Variants in TSHZ2 observed in about 807,000 individuals in gnomAD.
TSHZ2 encodes teashirt homolog 2.
TSHZ2 carries 21 observed loss-of-function variants against 74.4 expected under a neutral mutation model. That is an observed-to-expected ratio of 0.28 (90% CI 0.20 to 0.41). The LOEUF (loss-of-function observed/expected upper bound fraction) is 0.41. TSHZ2 is among the 10% of genes least tolerant of loss of function. TSHZ2 has a pLI of 1.00. For missense variants in TSHZ2, 1,244 were observed against 1,293.5 expected, an observed-to-expected ratio of 0.96 and a Z score of 0.59; for synonymous variants, 540 against 515.3, an observed-to-expected ratio of 1.05 and a Z score of -0.65.
chr20:53,333,599 G>C (rs907407924), intron 2 of TSHZ2, among the ~76,000 whole-genome samples: 1 of 152,112 alleles, frequency 6.6e-6, no homozygotes, highest in South Asian at 2.1e-4. Flanking sequence ...GGGACTATAG[G>C]CACCCACCAC....
chr20:53,374,359 T>C (rs999498821), intron 2 of TSHZ2, among the ~76,000 whole-genome samples: 4 of 152,236 alleles, frequency 2.6e-5, no homozygotes, highest in African/African-American at 9.6e-5. Flanking sequence ...TCATGGTATA[T>C]ATATGCCACA....
At chr20:53,405,996 C>CA (rs1388634352) in intron 2 of TSHZ2, among the ~76,000 whole-genome samples, 4 of 151,450 alleles carry the variant, frequency 2.6e-5, no homozygotes, top group Non-Finnish European at 2.9e-5. Flanking sequence ...GACCCTGTCT[C>CA]AAAAAAATAA....
intron 1 of TSHZ2, among the ~76,000 whole-genome samples, chr20:52,975,010 C>T (rs1600624361): frequency 6.6e-6 from 1 of 152,106 alleles, no homozygotes. Context: ...TCTTTCCTAC[C>T]GTTGTCTCTT....
chr20:53,369,482 G>A (rs138123567), intron 2 of TSHZ2, among the ~76,000 whole-genome samples: 277 of 151,794 alleles, frequency 1.8e-3, no homozygotes, highest in African/African-American at 6.4e-3. Context: ...CAAAGCAGGC[G>A]GATCACCTGA....
At chr20:53,115,237 G>A (rs1361205631) in intron 1 of TSHZ2, among the ~76,000 whole-genome samples, 3 of 152,208 alleles carry the variant, frequency 2.0e-5, no homozygotes, top group African/African-American at 7.2e-5. Flanking sequence ...CTATTTGGTA[G>A]CAATATGGTT....
At chr20:53,482,108 T>TTAA (rs1447358622) in intron 2 of TSHZ2, among the ~76,000 whole-genome samples, 3 of 74,344 alleles carry the variant, frequency 4.0e-5, no homozygotes, top group South Asian at 5.3e-4. Flanking sequence ...CTCCATCTCA[T>TTAA]AAAAAAAAAA....
intron 2 of TSHZ2, among the ~76,000 whole-genome samples, chr20:53,287,743 T>A (rs1033996919): frequency 1.8e-4 from 28 of 152,198 alleles, no homozygotes; most frequent in African/African-American, 6.8e-4. Flanking sequence ...AATATCACCT[T>A]GAAAACAAAC....
chr20:53,224,228 G>T (rs1989631051), intron 1 of TSHZ2, among the ~76,000 whole-genome samples: 1 of 152,054 alleles, frequency 6.6e-6, no homozygotes, highest in South Asian at 2.1e-4. Flanking sequence ...TATTATTCAA[G>T]GAAAAACATT....
chr20:53,353,181 G>A (rs182071109), intron 2 of TSHZ2, among the ~76,000 whole-genome samples: 4 of 152,294 alleles, frequency 2.6e-5, no homozygotes, highest in Admixed American at 2.6e-4. Flanking sequence ...GGGGTTTAAG[G>A]TTGGTAAATC....
At chr20:53,221,524 G>A (rs1989556741) in intron 1 of TSHZ2, among the ~76,000 whole-genome samples, 1 of 152,172 alleles carries the variant, frequency 6.6e-6, no homozygotes, top group African/African-American at 2.4e-5. Flanking sequence ...GAGGTTTTGT[G>A]ACGGAGTGGT....
intron 1 of TSHZ2, among the ~76,000 whole-genome samples, chr20:53,223,774 G>C (rs951834369): frequency 7.9e-5 from 12 of 152,072 alleles, no homozygotes; most frequent in Non-Finnish European, 1.5e-4. Flanking sequence ...GGAAAGAAAG[G>C]GGGAGGTAGC....
At chr20:53,348,671 AGT>A (rs982510221) in intron 2 of TSHZ2, among the ~76,000 whole-genome samples, 1 of 152,242 alleles carries the variant, frequency 6.6e-6, no homozygotes, top group African/African-American at 2.4e-5. Flanking sequence ...TGGTAATGAA[AGT>A]GTCATGACAG....
intron 1 of TSHZ2, among the ~76,000 whole-genome samples, chr20:53,173,552 G>C (rs1000207087): frequency 6.6e-5 from 10 of 152,202 alleles, no homozygotes; most frequent in African/African-American, 2.4e-4. Context: ...AGGTTGCAGT[G>C]AGCCGACGTA....
intron 1 of TSHZ2, among the ~76,000 whole-genome samples, chr20:53,050,223 A>G (rs1242306907): frequency 6.7e-6 from 1 of 148,290 alleles, no homozygotes; most frequent in Non-Finnish European, 1.5e-5. Context: ...ATGAATGTTT[A>G]TATATAGTGG....
At chr20:53,125,896 G>A (rs1986935248) in intron 1 of TSHZ2, among the ~76,000 whole-genome samples, 1 of 152,218 alleles carries the variant, frequency 6.6e-6, no homozygotes, top group Non-Finnish European at 1.5e-5. Context: ...AATGTGATAT[G>A]CAGATATTTA....
At chr20:53,380,810 G>A (rs1227068829) in intron 2 of TSHZ2, among the ~76,000 whole-genome samples, 3 of 152,106 alleles carry the variant, frequency 2.0e-5, no homozygotes, top group African/African-American at 7.2e-5. Context: ...CAAGAGAATG[G>A]CAATTGTGTA....
At chr20:53,004,118 G>A (rs1379065729) in intron 1 of TSHZ2, among the ~76,000 whole-genome samples, 1 of 151,944 alleles carries the variant, frequency 6.6e-6, no homozygotes, top group African/African-American at 2.4e-5. Flanking sequence ...ACTGTTGCCT[G>A]AGCATGGAAC....
At chr20:53,188,957 T>A (rs538826856) in intron 1 of TSHZ2, among the ~76,000 whole-genome samples, 5 of 152,196 alleles carry the variant, frequency 3.3e-5, no homozygotes, top group African/African-American at 1.2e-4. Context: ...ATTTTTCAGA[T>A]GACAGAGATG....
intron 2 of TSHZ2, among the ~76,000 whole-genome samples, chr20:53,276,804 C>T (rs1990955980): frequency 2.0e-5 from 3 of 152,162 alleles, no homozygotes; most frequent in Non-Finnish European, 4.4e-5. Context: ...GGGGACCACA[C>T]GTTGAGAACC....
Sources: allele counts gnomAD v4.1 joint callset (sites outside exome capture counted in the v4.1 genomes callset), GRCh38; gene constraint gnomAD v4.1.1; transcripts MANE v1.5; gene names NCBI Gene and HGNC (gene_info 2026-07-23, HGNC 2026-07-21).